Variants in GABRB1 observed in about 807,000 individuals in gnomAD.
GABRB1 encodes gamma-aminobutyric acid receptor subunit beta-1.
A neutral mutation model predicts 51.6 loss-of-function variants in GABRB1; 17 were observed. That is an observed-to-expected ratio of 0.33 (90% CI 0.23 to 0.49). The LOEUF is 0.49. GABRB1 is among the 20% of genes least tolerant of loss of function. The pLI is 0.99. For synonymous variants in GABRB1, 247 were observed against 218.9 expected, an observed-to-expected ratio of 1.13 and a Z score of -1.14; for missense variants, 410 against 600.6, an observed-to-expected ratio of 0.68 and a Z score of 3.32.
intron 4 of GABRB1, among the ~76,000 whole-genome samples, chr4:47,294,948 A>G (rs935409988): frequency 2.0e-5 from 3 of 152,194 alleles, no homozygotes; most frequent in African/African-American, 4.8e-5. Flanking sequence ...TTCGTGGTTC[A>G]CGAAAATCCG....
At chr4:47,272,512 T>A (rs1472181675) in intron 4 of GABRB1, among the ~76,000 whole-genome samples, 2 of 152,152 alleles carry the variant, frequency 1.3e-5, no homozygotes, top group African/African-American at 2.4e-5. Flanking sequence ...TTATACTTTA[T>A]GGTTCTATAT....
intron 3 of GABRB1, among the ~76,000 whole-genome samples, chr4:47,054,958 G>T (rs1726524413): frequency 6.6e-6 from 1 of 152,108 alleles, no homozygotes; most frequent in South Asian, 2.1e-4. Context: ...AGGTGACTTA[G>T]TTATTTTTAA....
chr4:47,221,695 C>T (rs936141663), intron 4 of GABRB1, among the ~76,000 whole-genome samples: 1 of 151,954 alleles, frequency 6.6e-6, no homozygotes, highest in Non-Finnish European at 1.5e-5. Context: ...GAGTATCTGC[C>T]TCTCTCCTCT....
chr4:47,378,507 G>C (rs1018685106), intron 5 of GABRB1, among the ~76,000 whole-genome samples: 3 of 152,218 alleles, frequency 2.0e-5, no homozygotes, highest in African/African-American at 7.2e-5. Flanking sequence ...CTCCCACAGT[G>C]CAGCGGTGGG....
chr4:47,044,722 C>T (rs1726010588), intron 3 of GABRB1, among the ~76,000 whole-genome samples: 1 of 152,040 alleles, frequency 6.6e-6, no homozygotes, highest in South Asian at 2.1e-4. Flanking sequence ...AACATTAACT[C>T]ACATTATGCA....
intron 4 of GABRB1, among the ~76,000 whole-genome samples, chr4:47,282,265 A>G (rs966962211): frequency 6.6e-6 from 1 of 152,166 alleles, no homozygotes; most frequent in African/African-American, 2.4e-5. Flanking sequence ...CTTGCACAAC[A>G]CATTTATAAA....
At chr4:47,233,005 G>C (rs965367053) in intron 4 of GABRB1, among the ~76,000 whole-genome samples, 20 of 151,928 alleles carry the variant, frequency 1.3e-4, no homozygotes, top group Admixed American at 1.3e-4. Flanking sequence ...CTCCGGAGTA[G>C]CTGGGACTAC....
At chr4:47,376,067 C>T (rs986981741) in intron 5 of GABRB1, among the ~76,000 whole-genome samples, 2 of 152,088 alleles carry the variant, frequency 1.3e-5, no homozygotes, top group African/African-American at 4.8e-5. Context: ...TGTCCTGGAA[C>T]CAAAACTTAG....
At chr4:47,247,559 T>C (rs185549953) in intron 4 of GABRB1, among the ~76,000 whole-genome samples, 4 of 152,240 alleles carry the variant, frequency 2.6e-5, no homozygotes, top group Admixed American at 1.3e-4. Context: ...CTATGAAGAA[T>C]GATGGTGGTA....
chr4:47,019,929 T>TGTATATGTATATGTATATGTATAC (rs1553909572), intron 1 of GABRB1, among the ~76,000 whole-genome samples: 1 of 143,230 alleles, frequency 7.0e-6, no homozygotes, highest in African/African-American at 2.6e-5. Flanking sequence ...TATACGTATA[T>TGTATATGTATATGTATATGTATAC]GTATACGTAT....
intron 4 of GABRB1, among the ~76,000 whole-genome samples, chr4:47,225,918 T>C (rs988598058): frequency 5.9e-5 from 9 of 152,126 alleles, no homozygotes; most frequent in African/African-American, 2.2e-4. Context: ...GCATTTTATT[T>C]TCTTTAAATA....
At chr4:47,207,505 C>T (rs1358265204) in intron 4 of GABRB1, among the ~76,000 whole-genome samples, 2 of 152,000 alleles carry the variant, frequency 1.3e-5, no homozygotes, top group African/African-American at 2.4e-5. Flanking sequence ...GATTTAACTT[C>T]CACAGTTCTC....
chr4:47,104,244 C>T (rs1015481988), intron 3 of GABRB1, among the ~76,000 whole-genome samples: 6 of 151,556 alleles, frequency 4.0e-5, no homozygotes, highest in African/African-American at 1.5e-4. Context: ...TGCATGGTTT[C>T]TAATAAAAAG....
At chr4:47,373,947 C>T (rs989842426) in intron 5 of GABRB1, among the ~76,000 whole-genome samples, 11 of 152,114 alleles carry the variant, frequency 7.2e-5, no homozygotes, top group African/African-American at 1.2e-4. Flanking sequence ...TATTTCTGCC[C>T]TAAGGTATTG....
chr4:47,062,136 T>C (rs1726868265), intron 3 of GABRB1, among the ~76,000 whole-genome samples: 1 of 152,138 alleles, frequency 6.6e-6, no homozygotes, highest in Non-Finnish European at 1.5e-5. Context: ...TGATAGGATT[T>C]GAACTGCATC....
At chr4:47,294,997 G>A (rs1009189390) in intron 4 of GABRB1, among the ~76,000 whole-genome samples, 1 of 152,218 alleles carries the variant, frequency 6.6e-6, no homozygotes, top group Admixed American at 6.5e-5. Flanking sequence ...CAGGCAAACA[G>A]GGTCTGGAGT....
At chr4:47,205,718 C>A (rs1720090869) in intron 4 of GABRB1, among the ~76,000 whole-genome samples, 1 of 151,924 alleles carries the variant, frequency 6.6e-6, no homozygotes, top group Admixed American at 6.6e-5. Context: ...TCTTTTTGAG[C>A]TTCTGCACTT....
chr4:47,129,538 A>G (rs770676288), intron 3 of GABRB1, among the ~76,000 whole-genome samples: 12 of 152,230 alleles, frequency 7.9e-5, no homozygotes, highest in Admixed American at 1.3e-4. Flanking sequence ...TGTGATAGAC[A>G]CAGTTCCTGC....
intron 3 of GABRB1, among the ~76,000 whole-genome samples, chr4:47,061,077 T>C (rs1001170771): frequency 6.6e-6 from 1 of 152,228 alleles, no homozygotes; most frequent in African/African-American, 2.4e-5. Flanking sequence ...AATATTTTGC[T>C]AGGAAAATAA....
Sources: allele counts gnomAD v4.1 joint callset (sites outside exome capture counted in the v4.1 genomes callset), GRCh38; gene constraint gnomAD v4.1.1; transcripts MANE v1.5; gene names NCBI Gene and HGNC (gene_info 2026-07-23, HGNC 2026-07-21).